OR1B1: variants seen among roughly 807,000 people sequenced by gnomAD.
OR1B1 encodes the protein olfactory receptor 1B1.
For missense variants in OR1B1, 414 were observed against 402.1 expected (o/e 1.03, Z -0.25); for synonymous variants, 168 against 156.2 (o/e 1.08, Z -0.57).
chr9:122,631,149 C>T (rs1180744793), upstream of OR1B1, among the ~76,000 whole-genome samples: 4 of 152,036 alleles, frequency 2.6e-5, no homozygotes, highest in South Asian at 2.1e-4. Context: ...GCCCACTCAA[C>T]ACAGAAACTT....
At chr9:122,648,066 T>A in the OR1B1 span, among the ~76,000 whole-genome samples, 1 of 151,946 alleles carries the variant, frequency 6.6e-6, no homozygotes, top group African/African-American at 2.4e-5. Context: ...TTAAAAAAAA[T>A]ACAGATCAAT....
the OR1B1 span, among the ~76,000 whole-genome samples, chr9:122,654,121 G>A: frequency 1.7e-4 from 26 of 152,216 alleles, no homozygotes; most frequent in South Asian, 6.2e-4. Flanking sequence ...AGGATGCAAT[G>A]ATGAAAAAAA....
chr9:122,654,925 T>C, the OR1B1 span, among the ~76,000 whole-genome samples: 1 of 152,224 alleles, frequency 6.6e-6, no homozygotes, highest in Non-Finnish European at 1.5e-5. Context: ...TCAAAATTAC[T>C]AAAAGACTTT....
chr9:122,629,672 A>G, upstream of OR1B1: 4 of 591,378 alleles, frequency 6.8e-6, no homozygotes, highest in South Asian at 1.0e-4. Flanking sequence ...GAACTTGACC[A>G]TCTACTCTCC....
At chr9:122,635,592 C>A in the OR1B1 span, among the ~76,000 whole-genome samples, 2 of 152,058 alleles carry the variant, frequency 1.3e-5, no homozygotes, top group African/African-American at 2.4e-5. Flanking sequence ...ACTGTTGTAA[C>A]CATTTCACTA....
At chr9:122,650,711 A>G in the OR1B1 span, among the ~76,000 whole-genome samples, 5 of 152,280 alleles carry the variant, frequency 3.3e-5, no homozygotes, top group East Asian at 7.7e-4. Context: ...GTTATTAAGG[A>G]ACTCTAGGTA....
chr9:122,633,913 G>A (rs237624), upstream of OR1B1, among the ~76,000 whole-genome samples: 2 of 144,406 alleles, frequency 1.4e-5, no homozygotes, highest in Non-Finnish European at 3.0e-5. Context: ...TGGGTGACAG[G>A]GTGAGACTAT....
the OR1B1 span, among the ~76,000 whole-genome samples, chr9:122,644,439 G>A: frequency 6.6e-6 from 1 of 152,182 alleles, no homozygotes; most frequent in African/African-American, 2.4e-5. Flanking sequence ...GCTTAGCCAC[G>A]GTAGAATAGA....
chr9:122,629,326 C>T (rs1830179094), exon 1 of OR1B1: 1 of 1,613,946 alleles, frequency 6.2e-7, no homozygotes, highest in Non-Finnish European at 8.5e-7. Context: ...CCATGTCTAT[C>T]ACAGAGAGGC....
At chr9:122,644,748 G>T in the OR1B1 span, among the ~76,000 whole-genome samples, 1 of 152,220 alleles carries the variant, frequency 6.6e-6, no homozygotes, top group Admixed American at 6.5e-5. Context: ...ATATCTTTAT[G>T]AGTCTGTAAA....
chr9:122,636,932 G>A, the OR1B1 span, among the ~76,000 whole-genome samples: 21 of 152,294 alleles, frequency 1.4e-4, no homozygotes, highest in South Asian at 6.2e-4. Context: ...AACATATTCC[G>A]TTAAGAGAGT....
chr9:122,635,282 A>G, the OR1B1 span, among the ~76,000 whole-genome samples: 1 of 152,232 alleles, frequency 6.6e-6, no homozygotes, highest in African/African-American at 2.4e-5. Flanking sequence ...AAAATACTGC[A>G]TAATTTTACT....
At chr9:122,631,171 A>G (rs1217537826), upstream of OR1B1, among the ~76,000 whole-genome samples, 1 of 151,802 alleles carries the variant, frequency 6.6e-6, no homozygotes, top group Non-Finnish European at 1.5e-5. Flanking sequence ...GAGAAAATAT[A>G]ATAATCATAC....
At chr9:122,638,289 CAAAA>C in the OR1B1 span, among the ~76,000 whole-genome samples, 1 of 151,784 alleles carries the variant, frequency 6.6e-6, no homozygotes, top group Non-Finnish European at 1.5e-5. Flanking sequence ...AGAACTGAAA[CAAAA>C]AAGGGCAAAT....
the OR1B1 span, among the ~76,000 whole-genome samples, chr9:122,656,488 T>TA: frequency 2.4e-4 from 36 of 146,992 alleles, no homozygotes; most frequent in Middle Eastern, 3.4e-3. Flanking sequence ...GGTTCCTGAT[T>TA]AAAAAAAAAA....
At chr9:122,637,508 T>A in the OR1B1 span, among the ~76,000 whole-genome samples, 9 of 152,204 alleles carry the variant, frequency 5.9e-5, no homozygotes, top group Admixed American at 2.0e-4. Flanking sequence ...ACACAGCTCA[T>A]GTACCATCCT....
chr9:122,637,462 C>A, the OR1B1 span, among the ~76,000 whole-genome samples: 1 of 152,160 alleles, frequency 6.6e-6, no homozygotes, highest in African/African-American at 2.4e-5. Flanking sequence ...CTTACTCTAG[C>A]AAGAAATTCT....
chr9:122,648,311 A>G, the OR1B1 span, among the ~76,000 whole-genome samples: 1 of 152,224 alleles, frequency 6.6e-6, no homozygotes, highest in African/African-American at 2.4e-5. Flanking sequence ...CAAAAACCAC[A>G]TGATTATTTC....
chr9:122,631,753 C>G (rs866449709), upstream of OR1B1, among the ~76,000 whole-genome samples: 2 of 152,108 alleles, frequency 1.3e-5, no homozygotes, highest in Middle Eastern at 6.8e-3. Flanking sequence ...TGAGGACACT[C>G]AAAAGGCTAA....
Sources: gnomAD v4.1 joint callset for allele counts (sites outside exome capture counted in the v4.1 genomes callset) on GRCh38, gnomAD v4.1.1 for gene constraint, MANE v1.5 for transcripts, NCBI Gene and HGNC (gene_info 2026-07-23, HGNC 2026-07-21) for gene names.